RNF126: variants seen among roughly 807,000 people sequenced by gnomAD.
RNF126 encodes the protein ring finger protein 126, also known as E3 ubiquitin-protein ligase RNF126.
A neutral mutation model predicts 41.9 loss-of-function variants in RNF126; 20 were observed. The ratio of observed to expected loss-of-function variants is 0.48; its 90% confidence interval spans 0.34 to 0.69. RNF126 has a LOEUF of 0.69. Among genes scored for constraint, RNF126 ranks in the 30% least tolerant of loss-of-function variants. The pLI is 0.01. For synonymous variants in RNF126, 239 were observed against 202.9 expected, an observed-to-expected ratio of 1.18 and a Z score of -1.51; for missense variants, 433 against 460.6, an observed-to-expected ratio of 0.94 and a Z score of 0.55.
Position 657,817 on chromosome 19 carries a change from C to T in RNF126, c.76-4933G>A, listed in dbSNP as rs1354497991. ...ACGAAGGCAAGTGACAGGTGGATCC[C>T]GGATATCCAGGGTGGAGGTTGAGCC... On this transcript the variant is annotated intron_variant, in intron 1 of 8. Transcript: ENST00000292363. 2.6e-5 allele frequency among the ~76,000 whole-genome samples: 4 copies of T among 152,284 alleles called. No individual in the cohort carries two copies. The East Asian group carries it at 7.7e-4, about 29-fold the overall frequency.
chr19:648,356 T>TGGGAGGG lies in RNF126; in HGVS notation c.786+15_786+16insCCCTCCC. 1 of 174,910 alleles carries TGGGAGGG rather than the reference T, an allele frequency of 5.7e-6. No homozygotes were observed. The highest frequency in any genetic ancestry group is 9.5e-6 in the Non-Finnish European group (1 of 105,484). 10.8% of individuals were successfully genotyped at this position (174,910 alleles called of 1,614,324 possible). A position where few individuals can be genotyped will look rare whatever the true frequency, so the allele number is the denominator to read the frequency against. On this transcript the variant is annotated intron_variant, in intron 8 of 8. Coordinates refer to ENST00000292363, the MANE Select transcript of RNF126 (RefSeq NM_194460.3). ...GCCGCGGTCGGGGTGGGGGGGCGGGTGGGCGGGGCACTCACCTGCTCCAGC... is the reference window on the plus strand; with the variant it reads ...GCCGCGGTCGGGGTGGGGGGGCGGGTGGGAGGGGGGCGGGGCACTCACCTGCTCCAGC...
rs1231068263 is a variant in RNF126, at chr19:650,225, C to T, written c.506+9G>A. The T allele has an allele frequency of 6.4e-7, 1 of 1,569,308 alleles. No individual in the cohort carries two copies. The highest frequency in any genetic ancestry group is 8.6e-7 in the Non-Finnish European group (1 of 1,157,238). ...CTGGGGATGGGGACAGGCACCCCCA[C>T]CCACTCACCAGGGGCCCAGGCTGGG... On this transcript the variant is annotated intron_variant, in intron 5 of 8. Coordinates refer to ENST00000292363, the MANE Select transcript of RNF126 (RefSeq NM_194460.3).
chr19:662,515 G>A (rs114047092), intron 1 of RNF126, among the ~76,000 whole-genome samples: 2,503 of 152,238 alleles, frequency 0.016, 77 homozygotes, highest in African/African-American at 0.057. Context: ...CCTCCAAGGC[G>A]GCGGCCAGGG....
At chr19:650,360 G>A (rs1410717433) in intron 4 of RNF126, 64 bp from the exon 5 acceptor site, 5 of 1,462,196 alleles carry the variant, frequency 3.4e-6, no homozygotes, top group Non-Finnish European at 4.7e-6. Context: ...CGCCAGGCCT[G>A]CCAGGTCCGT....
At chr19:658,237 G>T (rs1271943583) in intron 1 of RNF126, among the ~76,000 whole-genome samples, 1 of 152,120 alleles carries the variant, frequency 6.6e-6, no homozygotes, top group Non-Finnish European at 1.5e-5. Flanking sequence ...CCCCGGGTGG[G>T]ACCTGGCAGG....
At chr19:650,919 G>C (rs776329643) in intron 4 of RNF126, among the ~76,000 whole-genome samples, 14 of 152,054 alleles carry the variant, frequency 9.2e-5, no homozygotes, top group South Asian at 2.1e-4. Flanking sequence ...ATTAGAGATG[G>C]GGCCTCCCTA....
intron 1 of RNF126, among the ~76,000 whole-genome samples, chr19:655,954 C>T (rs1056143578): frequency 1.3e-5 from 2 of 151,924 alleles, no homozygotes; most frequent in Non-Finnish European, 2.9e-5. Context: ...GACCACGCAG[C>T]GTGTGATCCC....
intron 1 of RNF126, among the ~76,000 whole-genome samples, chr19:662,177 C>T (rs1475795531): frequency 6.6e-6 from 1 of 152,152 alleles, no homozygotes; most frequent in African/African-American, 2.4e-5. Context: ...GAAATGCAGA[C>T]TGCTGAGCGC....
intron 1 of RNF126, among the ~76,000 whole-genome samples, chr19:655,378 C>A (rs1319098755): frequency 6.6e-6 from 1 of 151,492 alleles, no homozygotes; most frequent in African/African-American, 2.4e-5. Flanking sequence ...CGGGCAAAGT[C>A]GGGAGGCTGA....
intron 1 of RNF126, among the ~76,000 whole-genome samples, chr19:656,906 C>T (rs2030584257): frequency 6.6e-6 from 1 of 152,266 alleles, no homozygotes; most frequent in Non-Finnish European, 1.5e-5. Flanking sequence ...CAGGGGTTGC[C>T]GCCGTCCGCC....
rs777943233 is a variant in RNF126, at chr19:647,907, C to T, written c.*221G>A. 61 of 636,518 alleles carry T rather than the reference C, an allele frequency of 9.6e-5. No individual in the cohort carries two copies. The highest frequency in any genetic ancestry group is 7.2e-4 in the African/African-American group (39 of 54,230). 39.4% of individuals were successfully genotyped at this position (636,518 alleles called of 1,614,324 possible). ...TTAGAGGGTGAGGTTAGACAGAGGA[C>T]GGGGAGGCTGGGGACGCCCCAGAGG... is the stretch of plus-strand genomic sequence containing the variant. On this transcript the variant is annotated 3_prime_UTR_variant, in exon 9 of 9. Transcript: ENST00000292363.
chr19:654,580 T>G (rs573151367), intron 1 of RNF126, among the ~76,000 whole-genome samples: 1 of 110,448 alleles, frequency 9.1e-6, no homozygotes, highest in Admixed American at 1.3e-4. Context: ...GAGGCGGAGG[T>G]TGCAGTGAGC....
At chr19:652,762 A>G in intron 2 of RNF126, 64 bp downstream of exon 2, 2 of 1,484,184 alleles carry the variant, frequency 1.3e-6, no homozygotes, top group South Asian at 2.3e-5. Context: ...AGCACAGCCC[A>G]CACCCCTACA....
intron 1 of RNF126, among the ~76,000 whole-genome samples, chr19:655,510 A>G (rs959129248): frequency 8.6e-5 from 13 of 150,892 alleles, no homozygotes; most frequent in African/African-American, 1.2e-4. Flanking sequence ...GTGGGGGGGG[A>G]AAGGACGTGT....
intron 1 of RNF126, among the ~76,000 whole-genome samples, chr19:662,696 G>C (rs1027115249): frequency 6.6e-6 from 1 of 152,062 alleles, no homozygotes; most frequent in Non-Finnish European, 1.5e-5. Flanking sequence ...TTCTCCGTTT[G>C]CAAAACCAGG....
At position 648,176 on chromosome 19, in the gene RNF126, CGAT is replaced by C; in HGVS notation, c.885_887del (p.Ser301del). The stretch of plus-strand genomic sequence containing the variant: ...CGTTGCTGGGCGAGCTGGAGGAGGA[CGAT>C]GACGACGAGGAGGAGAAGCTCACCC... On this transcript the variant is annotated inframe_deletion, in exon 9 of 9. Transcript: ENST00000292363. 6.2e-7 allele frequency: 1 copy of C among 1,605,880 alleles called. No individual in the cohort carries two copies. The highest frequency in any genetic ancestry group is 1.1e-5 in the South Asian group (1 of 90,190).
Position 650,245 on chromosome 19 carries a change from G to T in RNF126, c.495C>A (p.Ser165Arg). The part of the protein sequence containing the change: ...NGIITPATIP[S>R]LGPWGVLHSN... ...CCCCACCCACTCACCAGGGGCCCAG[G>T]CTGGGGATGGTGGCGGGCGTGATGA... The change falls in exon 5 of 9, where the codon AGC becomes AGA. Residue 165 changes from serine to arginine, a missense_variant. By Grantham distance (110) the Ser-to-Arg change is moderately radical (BLOSUM62 -1). Transcript: ENST00000292363. The T allele has an allele frequency of 6.3e-7, 1 of 1,580,766 alleles. No homozygotes were observed. The highest frequency in any genetic ancestry group is 8.6e-7 in the Non-Finnish European group (1 of 1,164,632).
intron 1 of RNF126, among the ~76,000 whole-genome samples, chr19:653,242 G>A (rs2030409179): frequency 6.6e-6 from 1 of 152,138 alleles, no homozygotes. Flanking sequence ...ACTCGGAGGG[G>A]TGCCCCAATA....
chr19:650,341 C>T (rs987176629), intron 4 of RNF126, 45 bp from the exon 5 acceptor site: 25 of 1,541,974 alleles, frequency 1.6e-5, no homozygotes, highest in Middle Eastern at 1.7e-4. Flanking sequence ...GCCCCACGCA[C>T]AGGAGAGGCG....
Sources: allele counts gnomAD v4.1 joint callset (sites outside exome capture counted in the v4.1 genomes callset), GRCh38; gene constraint gnomAD v4.1.1; transcripts MANE v1.5; gene names NCBI Gene and HGNC (gene_info 2026-07-23, HGNC 2026-07-21).